The following TBCD variants were observed in gnomAD, a reference collection of about 807,000 sequenced individuals.
The protein encoded by TBCD is tubulin-specific chaperone D.
TBCD carries 105 observed loss-of-function variants against 169.3 expected under a neutral mutation model. The observed-to-expected ratio is 0.62, with a 90% confidence interval of 0.53 to 0.73. The LOEUF is 0.73. Ranked by LOEUF, TBCD falls within the 30% of genes least tolerant of loss-of-function variation. The pLI is 0.00. For missense variants in TBCD, 1,444 were observed against 1,600.1 expected (o/e 0.90, Z 1.66); for synonymous variants, 700 against 643.9 (o/e 1.09, Z -1.32).
At chr17:82,820,115 A>G (rs1029313366) in intron 13 of TBCD, among the ~76,000 whole-genome samples, 1 of 151,726 alleles carries the variant, frequency 6.6e-6, no homozygotes, top group African/African-American at 2.4e-5. Flanking sequence ...AGTAGCTGGG[A>G]GTCAGGCGCC....
intron 13 of TBCD, chr17:82,859,865 G>T (rs1181948505): frequency 1.0e-6 from 1 of 985,328 alleles, no homozygotes; most frequent in African/African-American, 1.7e-5. Context: ...GAAAACCCTT[G>T]AGATAACTGG....
intron 13 of TBCD, among the ~76,000 whole-genome samples, chr17:82,825,193 A>G (rs1014781886): frequency 2.3e-4 from 35 of 151,940 alleles, no homozygotes; most frequent in Admixed American, 1.2e-3. Flanking sequence ...GCTTCTCCCT[A>G]TTTGTCATTT....
In TBCD at chr17:82,884,259, C is replaced by T; in HGVS notation, c.1533+57C>T. 6.8e-7 allele frequency: 1 copy of T among 1,473,346 alleles called. No homozygotes were observed. Among genetic ancestry groups the T allele is most frequent in the South Asian group, 1.2e-5 (1 of 82,924 alleles). 91.3% of individuals were successfully genotyped at this position (1,473,346 alleles called of 1,614,324 possible). ...TGAAGGTGGGGGGTGGGCCTGGTCT[C>T]CCTGATGCTCCTCTGTGCACTGCTG... On this transcript the variant is annotated intron_variant, in intron 15 of 38. Transcript: ENST00000355528. The surrounding 1 kb of genome is among the most constrained non-coding windows in gnomAD (Gnocchi z 4.2).
At chr17:82,757,214 C>T (rs966571159) in intron 2 of TBCD, among the ~76,000 whole-genome samples, 6 of 152,168 alleles carry the variant, frequency 3.9e-5, no homozygotes, top group Non-Finnish European at 7.3e-5. Context: ...CCTCGCCCCC[C>T]GTGGTGTTGA....
At chr17:82,826,716 G>A (rs550744736) in intron 13 of TBCD, among the ~76,000 whole-genome samples, 66 of 151,930 alleles carry the variant, frequency 4.3e-4, no homozygotes, top group African/African-American at 1.6e-3. Context: ...ATGCCTGGCC[G>A]TGAGCCATGC....
chr17:82,760,360 T>G (rs925429218), intron 2 of TBCD, among the ~76,000 whole-genome samples: 5 of 152,232 alleles, frequency 3.3e-5, no homozygotes, highest in East Asian at 3.8e-4. Context: ...GATTTAATTT[T>G]CATGTCTAAG....
At chr17:82,847,869 C>T (rs1567882375) in intron 13 of TBCD, among the ~76,000 whole-genome samples, 1 of 152,224 alleles carries the variant, frequency 6.6e-6, no homozygotes, top group Non-Finnish European at 1.5e-5. Context: ...GATCCACCCT[C>T]CTCGGCCTCC....
chr17:82,927,821 C>T (rs539409088), intron 29 of TBCD, 84 bp from the exon 30 acceptor site: 38 of 1,265,424 alleles, frequency 3.0e-5, no homozygotes, highest in Non-Finnish European at 3.8e-5. Context: ...GTCGAATTCA[C>T]ACAGGCTGCC....
chr17:82,913,779 G>A (rs1228419983), intron 23 of TBCD: 1 of 152,336 alleles, frequency 6.6e-6, no homozygotes, highest in African/African-American at 2.4e-5. Context: ...CCCCTTAGGG[G>A]TCCTGCTGGG....
At chr17:82,851,897 C>G (rs1449637636) in intron 13 of TBCD, among the ~76,000 whole-genome samples, 2 of 152,104 alleles carry the variant, frequency 1.3e-5, no homozygotes, top group East Asian at 3.8e-4. Flanking sequence ...CAAAGTTGAC[C>G]CAGGTGGGAA....
chr17:82,813,414 C>G (rs944029558), intron 12 of TBCD, among the ~76,000 whole-genome samples: 3 of 152,116 alleles, frequency 2.0e-5, no homozygotes, highest in African/African-American at 7.2e-5. Flanking sequence ...CTCGCCCCGG[C>G]TGCTTGGCTT....
At chr17:82,836,533 C>G in intron 13 of TBCD, among the ~76,000 whole-genome samples, 1 of 152,248 alleles carries the variant, frequency 6.6e-6, no homozygotes, top group Non-Finnish European at 1.5e-5. Flanking sequence ...AAATTGAGGA[C>G]TTCAGTTTTC....
intron 13 of TBCD, chr17:82,865,600 C>T (rs923369745): frequency 2.0e-5 from 19 of 942,804 alleles, no homozygotes; most frequent in Admixed American, 6.2e-5. Context: ...GAAGGCCTGA[C>T]AGGGCGATGC....
intron 13 of TBCD, among the ~76,000 whole-genome samples, chr17:82,853,378 C>G (rs1229801087): frequency 2.0e-5 from 3 of 151,552 alleles, no homozygotes; most frequent in East Asian, 1.9e-4. Flanking sequence ...GCTTGAGCCA[C>G]TGCATCCAGC....
intron 35 of TBCD, chr17:82,937,813 A>G: frequency 1.4e-6 from 2 of 1,440,250 alleles, no homozygotes; most frequent in Non-Finnish European, 1.8e-6. Context: ...GCCCTGCAGG[A>G]GATCCTCTGT....
intron 3 of TBCD, 85 bp downstream of exon 3, chr17:82,764,147 C>T (rs1291603717): frequency 9.4e-7 from 1 of 1,064,474 alleles, no homozygotes; most frequent in East Asian, 2.5e-5. Flanking sequence ...TGTTATTTCT[C>T]AAGAAAGATA....
At chr17:82,881,068 T>G (rs1186548589) in intron 14 of TBCD, among the ~76,000 whole-genome samples, 1 of 152,140 alleles carries the variant, frequency 6.6e-6, no homozygotes, top group East Asian at 1.9e-4. Flanking sequence ...CCTATTCCCC[T>G]TGGGCTCCAT....
At chr17:82,781,982 C>T (rs888068833) in intron 7 of TBCD, among the ~76,000 whole-genome samples, 11 of 152,180 alleles carry the variant, frequency 7.2e-5, no homozygotes, top group Non-Finnish European at 1.2e-4. Context: ...GCCACGCAGC[C>T]GGGGCTCCCC....
chr17:82,869,266 C>T (rs1168700019), intron 13 of TBCD, among the ~76,000 whole-genome samples: 1 of 152,228 alleles, frequency 6.6e-6, no homozygotes, highest in Non-Finnish European at 1.5e-5. Flanking sequence ...CTTCTTGGAA[C>T]ATCCCCATAT....
Sources: allele counts gnomAD v4.1 joint callset (sites outside exome capture counted in the v4.1 genomes callset), GRCh38; gene constraint gnomAD v4.1.1; non-coding constraint Gnocchi (gnomAD v3.1); transcripts MANE v1.5; gene names NCBI Gene and HGNC (gene_info 2026-07-23, HGNC 2026-07-21).